Variants in CCDC7 observed in about 807,000 individuals in gnomAD.
CCDC7 encodes coiled-coil domain-containing protein 7.
In CCDC7, 183 loss-of-function variants were observed where a neutral mutation model predicts 196.9. The ratio of observed to expected loss-of-function variants is 0.93; its 90% CI spans 0.82 to 1.05. The LOEUF (loss-of-function observed/expected upper bound fraction) is 1.05. Among genes scored for constraint, CCDC7 ranks in the 50% least tolerant of loss-of-function variants. CCDC7 has a pLI of 0.00. For missense variants in CCDC7, 1,540 were observed against 1,482.2 expected (o/e 1.04, Z -0.64); for synonymous variants, 525 against 484.6 (o/e 1.08, Z -1.10).
chr10:32,720,633 G>A (rs2082274442), intron 25 of CCDC7, among the ~76,000 whole-genome samples: 1 of 152,072 alleles, frequency 6.6e-6, no homozygotes, highest in African/African-American at 2.4e-5. Context: ...TAAGAACATA[G>A]AATCTTATGT....
chr10:32,869,969 A>G (rs914866210), intron 41 of CCDC7, among the ~76,000 whole-genome samples: 2 of 152,086 alleles, frequency 1.3e-5, no homozygotes, highest in African/African-American at 4.8e-5. Context: ...CTGTTTTGGT[A>G]CCAGTACCAT....
At chr10:32,511,261 C>CGGGGCG in intron 9 of CCDC7, 1 of 380,444 alleles carries the variant, frequency 2.6e-6, no homozygotes, top group Non-Finnish European at 4.3e-6. Context: ...CTGTGGGGGG[C>CGGGGCG]GGGGGGGGCG....
At chr10:32,677,212 T>G (rs945409191) in intron 21 of CCDC7, among the ~76,000 whole-genome samples, 5 of 94,868 alleles carry the variant, frequency 5.3e-5, no homozygotes, top group East Asian at 3.8e-4. Flanking sequence ...CTGGGGACTG[T>G]TGTGGGGTGG....
Position 32,779,002 on chromosome 10 carries a change from T to TC in CCDC7, c.2933dup (p.Asp979ArgfsTer14), listed in dbSNP as rs1370142359. The TC allele has an allele frequency of 6.5e-7, 1 of 1,550,076 alleles. No homozygotes were observed. Among genetic ancestry groups the TC allele is most frequent in the Non-Finnish European group, 8.7e-7 (1 of 1,146,734 alleles). On this transcript the variant is annotated frameshift_variant, in exon 29 of 42. Transcript: ENST00000639629. LOFTEE classifies it high-confidence loss of function. The stretch of plus-strand genomic sequence containing the variant: ...TTAAAAATGAAGCAGCCTCAGAACT[T>TC]CCAGATACAGCAGAAAATCTTCCAG...
chr10:32,866,825 T>TA (rs953940593), intron 41 of CCDC7, among the ~76,000 whole-genome samples: 7 of 151,408 alleles, frequency 4.6e-5, no homozygotes, highest in African/African-American at 1.7e-4. Context: ...CTTATAAAAG[T>TA]AAAAAAAGTA....
chr10:32,467,603 T>C (rs1360641223), intron 5 of CCDC7, among the ~76,000 whole-genome samples: 1 of 152,194 alleles, frequency 6.6e-6, no homozygotes, highest in Non-Finnish European at 1.5e-5. Flanking sequence ...TGGATCCTAT[T>C]TGTTAATTTT....
intron 20 of CCDC7, among the ~76,000 whole-genome samples, chr10:32,662,853 C>G (rs1429998405): frequency 6.6e-6 from 1 of 152,114 alleles, no homozygotes; most frequent in Non-Finnish European, 1.5e-5. Flanking sequence ...GGTAAATGAT[C>G]TTATTTGTCT....
intron 28 of CCDC7, among the ~76,000 whole-genome samples, chr10:32,765,824 T>C (rs765277575): frequency 2.6e-5 from 4 of 152,098 alleles, no homozygotes; most frequent in Non-Finnish European, 5.9e-5. Context: ...TTGAGCAAAT[T>C]AACGTATCCC....
chr10:32,625,023 A>G (rs1216210162), intron 18 of CCDC7, among the ~76,000 whole-genome samples: 1 of 81,504 alleles, frequency 1.2e-5, no homozygotes, highest in Non-Finnish European at 2.7e-5. Flanking sequence ...TTCTTCACTA[A>G]TCTGCAGAGG....
At chr10:32,654,958 T>A (rs1190720556) in intron 20 of CCDC7, among the ~76,000 whole-genome samples, 1 of 152,244 alleles carries the variant, frequency 6.6e-6, no homozygotes, top group Non-Finnish European at 1.5e-5. Flanking sequence ...GTCTACTATG[T>A]TAAGCAGTTA....
At chr10:32,862,376 T>A (rs533567702) in intron 41 of CCDC7, among the ~76,000 whole-genome samples, 7 of 124,276 alleles carry the variant, frequency 5.6e-5, no homozygotes, top group Admixed American at 3.2e-4. Context: ...TGAGAACACA[T>A]GGACACAGGG....
chr10:32,473,188 T>C (rs995715137), intron 7 of CCDC7, among the ~76,000 whole-genome samples: 7 of 152,192 alleles, frequency 4.6e-5, no homozygotes, highest in Non-Finnish European at 7.4e-5. Context: ...GATAAAGGTA[T>C]GTGGAATTTG....
chr10:32,805,841 AGACTGGG>A (rs1464072444), intron 30 of CCDC7, among the ~76,000 whole-genome samples: 1 of 152,212 alleles, frequency 6.6e-6, no homozygotes, highest in Non-Finnish European at 1.5e-5. Context: ...GGAATACCTG[AGACTGGG>A]TAATTTATAA....
rs1010736044 is a variant in CCDC7 at position 32,484,826 on chromosome 10, C to T, written c.797-7096C>T. 3.9e-4 allele frequency among the ~76,000 whole-genome samples: 60 copies of T among 152,178 alleles called. 1 individual carries two copies. The highest frequency in any genetic ancestry group is 7.3e-5 in the Non-Finnish European group (5 of 68,034). On this transcript the variant is annotated intron_variant, in intron 8 of 41. Coordinates refer to ENST00000639629, the Ensembl canonical transcript of CCDC7. The stretch of plus-strand genomic sequence containing the variant: ...TATTCATTTGTGCATGTTGAACCAG[C>T]CTTGCATCCCAGGGATGAAGCCCAC...
intron 41 of CCDC7, among the ~76,000 whole-genome samples, chr10:32,871,450 C>A (rs538763367): frequency 1.3e-5 from 2 of 151,588 alleles, no homozygotes; most frequent in African/African-American, 4.9e-5. Context: ...GGTGATATCC[C>A]CTTTATCATT....
intron 13 of CCDC7, among the ~76,000 whole-genome samples, chr10:32,549,774 G>A (rs1425464707): frequency 6.6e-6 from 1 of 152,094 alleles, no homozygotes; most frequent in Non-Finnish European, 1.5e-5. Flanking sequence ...TTGTCAGTGT[G>A]CCTGTTTTTA....
chr10:32,489,115 G>C (rs1244729701), intron 8 of CCDC7, among the ~76,000 whole-genome samples: 1 of 152,204 alleles, frequency 6.6e-6, no homozygotes, highest in Non-Finnish European at 1.5e-5. Context: ...TGGCTGGTGG[G>C]TGTGCTTCTA....
At chr10:32,708,913 C>G (rs775149098) in intron 24 of CCDC7, among the ~76,000 whole-genome samples, 1 of 152,122 alleles carries the variant, frequency 6.6e-6, no homozygotes, top group African/African-American at 2.4e-5. Context: ...GACAGTGTGC[C>G]AATTCCTCAA....
chr10:32,447,729 C>T (rs960598546), upstream of CCDC7, among the ~76,000 whole-genome samples: 2 of 151,988 alleles, frequency 1.3e-5, no homozygotes, highest in Non-Finnish European at 2.9e-5. Context: ...TGGTGAAACC[C>T]TGTCACTATT....
Sources: gnomAD v4.1 joint callset for allele counts (sites outside exome capture counted in the v4.1 genomes callset) on GRCh38, gnomAD v4.1.1 for gene constraint, MANE v1.5 for transcripts, NCBI Gene and HGNC (gene_info 2026-07-23, HGNC 2026-07-21) for gene names.